ENAH: variants seen among roughly 807,000 people sequenced by gnomAD.
ENAH encodes ENAH actin regulator.
Under a neutral mutation model 78.7 loss-of-function variants are expected in ENAH, and 23 were observed. That is an observed-to-expected ratio of 0.29 (90% CI 0.21 to 0.41). The LOEUF (loss-of-function observed/expected upper bound fraction) is 0.41, where lower values mean the gene tolerates loss of function less well. Ranked by LOEUF, ENAH falls within the 10% of genes least tolerant of loss-of-function variation. The probability of loss-of-function intolerance (pLI) is 1.00; values close to 1 mark genes in which losing one functional copy is unlikely to be tolerated. For synonymous variants in ENAH, 226 were observed against 241.0 expected (o/e 0.94, Z 0.58); for missense variants, 544 against 691.0 (o/e 0.79, Z 2.39).
At chr1:225,590,059 CTAAT>C (rs2096867526) in intron 1 of ENAH, among the ~76,000 whole-genome samples, 1 of 148,784 alleles carries the variant, frequency 6.7e-6, no homozygotes, top group Non-Finnish European at 1.5e-5. Context: ...GCTGTGGTGA[CTAAT>C]TGCCTCCCCT....
intron 1 of ENAH, among the ~76,000 whole-genome samples, chr1:225,591,788 AAAG>A (rs1194830840): frequency 9.9e-5 from 15 of 151,586 alleles, no homozygotes; most frequent in Admixed American, 6.6e-4. Flanking sequence ...AAAAAAAAAA[AAAG>A]GGCTTCAAAA....
At chr1:225,533,323 T>C (rs1006669565) in intron 3 of ENAH, among the ~76,000 whole-genome samples, 1 of 152,194 alleles carries the variant, frequency 6.6e-6, no homozygotes, top group Non-Finnish European at 1.5e-5. Context: ...TGCCGCTGTA[T>C]GTTCAGGAAT....
chr1:225,554,172 G>A (rs921955894), intron 3 of ENAH, among the ~76,000 whole-genome samples: 1 of 152,024 alleles, frequency 6.6e-6, no homozygotes, highest in Non-Finnish European at 1.5e-5. Context: ...ATAGGCAAGA[G>A]TAATCATATT....
chr1:225,577,970 TCTTA>T (rs1342863161), intron 1 of ENAH, among the ~76,000 whole-genome samples: 3 of 152,206 alleles, frequency 2.0e-5, no homozygotes, highest in South Asian at 2.1e-4. Context: ...CATGAATTCC[TCTTA>T]CTTAAGTATA....
rs758792184 is a variant in ENAH at position 225,512,933 on chromosome 1, A to G, written c.1302T>C (p.Asn434=). ...ASSKTDTGRG[N]GPLPLGGSGL... Reference sequence around the variant, plus strand: ...CACTACCCCCTAAAGGAAGGGGTCCATTTCCACGGCCTGTATCTGTTTTAG... The same window carrying G: ...CACTACCCCCTAAAGGAAGGGGTCCGTTTCCACGGCCTGTATCTGTTTTAG... Residue 434 remains asparagine, a synonymous_variant, in exon 8 of 14, where the codon AAT becomes AAC. Transcript: ENST00000366843. 7 of 1,613,894 alleles carry G rather than the reference A, an allele frequency of 4.3e-6. No homozygotes were observed. The highest frequency in any genetic ancestry group is 1.7e-5 in the Admixed American group (1 of 59,996).
chr1:225,501,377 C>CAA (rs1356799637), intron 11 of ENAH: 1 of 267,718 alleles, frequency 3.7e-6, no homozygotes, highest in Non-Finnish European at 7.0e-6. Context: ...GCACGTTGAC[C>CAA]AAAACAGTGA....
intron 1 of ENAH, among the ~76,000 whole-genome samples, chr1:225,628,898 C>A (rs1346874978): frequency 2.1e-5 from 3 of 141,696 alleles, no homozygotes; most frequent in Admixed American, 7.0e-5. Context: ...AAGAGCGAAA[C>A]TCCGTCTCAA....
chr1:225,570,398 T>C (rs559264256), intron 1 of ENAH, among the ~76,000 whole-genome samples: 3 of 151,730 alleles, frequency 2.0e-5, no homozygotes, highest in Non-Finnish European at 2.9e-5. Flanking sequence ...ATTTTTTTTT[T>C]CCAGTGTTTT....
chr1:225,567,186 G>T, intron 2 of ENAH, 63 bp downstream of exon 2: 1 of 1,542,670 alleles, frequency 6.5e-7, no homozygotes, highest in Non-Finnish European at 8.8e-7. Context: ...TTATTTTACG[G>T]AATATGCCAA....
intron 1 of ENAH, among the ~76,000 whole-genome samples, chr1:225,635,418 T>C (rs540053510): frequency 3.7e-4 from 56 of 152,324 alleles, no homozygotes; most frequent in South Asian, 1.0e-3. Flanking sequence ...GTGACGATCT[T>C]GTACCCTGCA....
intron 1 of ENAH, among the ~76,000 whole-genome samples, chr1:225,628,878 C>T (rs964230962): frequency 6.7e-6 from 1 of 148,712 alleles, no homozygotes; most frequent in Admixed American, 6.7e-5. Context: ...TGCACTCCAA[C>T]CTGGGCAACA....
intron 9 of ENAH, among the ~76,000 whole-genome samples, chr1:225,512,356 AAG>A (rs2096383847): frequency 6.6e-6 from 1 of 152,230 alleles, no homozygotes; most frequent in Non-Finnish European, 1.5e-5. Flanking sequence ...CTGAGATTCT[AAG>A]AGATGAAAAA....
intron 1 of ENAH, among the ~76,000 whole-genome samples, chr1:225,569,002 C>A (rs1419503323): frequency 6.6e-6 from 1 of 152,084 alleles, no homozygotes; most frequent in Non-Finnish European, 1.5e-5. Context: ...TGAAAACAAG[C>A]CAATGACTAA....
intron 6 of ENAH, 78 bp from the exon 7 acceptor site, chr1:225,514,978 A>G: frequency 5.9e-6 from 7 of 1,179,570 alleles, no homozygotes; most frequent in Non-Finnish European, 8.7e-6. Flanking sequence ...GGTACGCAGA[A>G]TGCCATGCTA....
chr1:225,528,770 T>C (rs2096523945), intron 4 of ENAH, among the ~76,000 whole-genome samples: 1 of 152,150 alleles, frequency 6.6e-6, no homozygotes, highest in Non-Finnish European at 1.5e-5. Context: ...TCTACTTACA[T>C]GTCCAGTAAA....
At chr1:225,653,204 C>T (rs1663379356), upstream of ENAH, 1 of 150,586 alleles carries the variant, frequency 6.6e-6, no homozygotes, top group Non-Finnish European at 1.5e-5. This position sits in a 1 kb window ranked among gnomAD's most constrained non-coding sequence, Gnocchi z 4.3. Context: ...CCCTCCTTCC[C>T]CCGGGGGCGA....
intron 8 of ENAH, 78 bp downstream of exon 8, chr1:225,512,793 G>GC: frequency 6.2e-7 from 1 of 1,606,708 alleles, no homozygotes. Flanking sequence ...GGAAAGAAGT[G>GC]CATCTAGTTA....
chr1:225,541,392 G>A (rs1335866955), intron 3 of ENAH, among the ~76,000 whole-genome samples: 2 of 151,962 alleles, frequency 1.3e-5, no homozygotes, highest in African/African-American at 4.8e-5. Flanking sequence ...CCAAGATCGC[G>A]CCACTGTACT....
chr1:225,598,049 G>T (rs1247250834), intron 1 of ENAH, among the ~76,000 whole-genome samples: 1 of 151,758 alleles, frequency 6.6e-6, no homozygotes, highest in South Asian at 2.1e-4. Flanking sequence ...TTTAAGGTAA[G>T]GAGACAGTTA....
Sources: allele counts gnomAD v4.1 joint callset (sites outside exome capture counted in the v4.1 genomes callset), GRCh38; gene constraint gnomAD v4.1.1; non-coding constraint Gnocchi (gnomAD v3.1); transcripts MANE v1.5; gene names NCBI Gene and HGNC (gene_info 2026-07-23, HGNC 2026-07-21).